The following RTF1 variants were observed in gnomAD, a reference collection of about 807,000 sequenced individuals.
The protein encoded by RTF1 is RTF1 homolog, Paf1/RNA polymerase II complex component.
A neutral mutation model predicts 95.7 loss-of-function variants in RTF1; 10 were observed. That is an observed-to-expected ratio of 0.10 (90% CI 0.06 to 0.18). The LOEUF is 0.18. Among genes scored for constraint, RTF1 ranks in the 10% least tolerant of loss-of-function variants. RTF1 has a pLI of 1.00. For missense variants in RTF1, 458 were observed against 875.6 expected, an observed-to-expected ratio of 0.52 and a Z score of 6.02; for synonymous variants, 305 against 311.8, an observed-to-expected ratio of 0.98 and a Z score of 0.23.
chr15:41,435,686 T>C (rs568066809), intron 1 of RTF1, among the ~76,000 whole-genome samples: 19 of 152,274 alleles, frequency 1.2e-4, no homozygotes, highest in Non-Finnish European at 2.4e-4. Context: ...AGAAGGTCAT[T>C]TCTCATTTTA....
intron 2 of RTF1, among the ~76,000 whole-genome samples, chr15:41,445,759 A>C (rs369958515): frequency 2.0e-4 from 30 of 147,236 alleles, no homozygotes; most frequent in South Asian, 1.9e-3. Flanking sequence ...TTTTGGAAAC[A>C]GAGTCTTGCT....
At chr15:41,447,986 A>T (rs1016008197) in intron 2 of RTF1, among the ~76,000 whole-genome samples, 3 of 152,124 alleles carry the variant, frequency 2.0e-5, no homozygotes, top group Non-Finnish European at 2.9e-5. Flanking sequence ...TTACTACTAC[A>T]TCCTGGTGAA....
chr15:41,472,480 TATTG>T (rs1555387454), intron 8 of RTF1, among the ~76,000 whole-genome samples: 3 of 152,092 alleles, frequency 2.0e-5, no homozygotes, highest in Non-Finnish European at 4.4e-5. Flanking sequence ...GTGCTGGGAT[TATTG>T]ACATGAGCCA....
chr15:41,474,593 G>T, intron 8 of RTF1, 27 bp from the exon 9 acceptor site: 1 of 1,557,368 alleles, frequency 6.4e-7, no homozygotes, highest in South Asian at 1.1e-5. Context: ...GTCTGGTTTT[G>T]ACTGGCGTCT....
chr15:41,456,705 G>A (rs1302465474), intron 3 of RTF1, among the ~76,000 whole-genome samples: 2 of 151,966 alleles, frequency 1.3e-5, no homozygotes, highest in African/African-American at 4.8e-5. Flanking sequence ...CAGGAGAACT[G>A]TTTGAACCGG....
intron 1 of RTF1, among the ~76,000 whole-genome samples, chr15:41,424,358 G>C (rs556258857): frequency 2.6e-5 from 4 of 152,304 alleles, no homozygotes; most frequent in African/African-American, 9.6e-5. Flanking sequence ...AAAGGGAAGA[G>C]TGTTGAATGT....
At chr15:41,473,687 T>G (rs1595440238) in intron 8 of RTF1, among the ~76,000 whole-genome samples, 1 of 152,038 alleles carries the variant, frequency 6.6e-6, no homozygotes, top group African/African-American at 2.4e-5. Flanking sequence ...AACAGCCTCT[T>G]GAGTAGCTAG....
intron 1 of RTF1, among the ~76,000 whole-genome samples, chr15:41,428,123 G>A (rs898039349): frequency 6.6e-6 from 1 of 151,180 alleles, no homozygotes; most frequent in Non-Finnish European, 1.5e-5. Context: ...TTAGAGCTGG[G>A]GTCTCACTGT....
rs2050933578 is a variant in RTF1 at position 41,474,660 on chromosome 15, A to G, written c.1244A>G (p.Tyr415Cys). 1 of 1,614,056 alleles carries G rather than the reference A, an allele frequency of 6.2e-7. No individual in the cohort carries two copies. The highest frequency in any genetic ancestry group is 1.7e-5 in the Admixed American group (1 of 60,010). ...ITGVVETAKV[Y>C]QLGGTRTNKG... is the part of the protein sequence containing the mutation. ...GGTGTTGTGGAAACTGCCAAAGTTT[A>G]CCAACTAGGTGGCACCAGAACAAAC... is the stretch of plus-strand genomic sequence containing the variant. The change falls in exon 9 of 18, where the codon TAC becomes TGC. Residue 415 changes from tyrosine (Y) to cysteine (C), a missense_variant. Physicochemically the swap from Tyr to Cys is radical, Grantham distance 194. Around this residue, in one of 11 missense-constraint regions of RTF1, gnomAD observed 150 missense variants for 275.7 expected, o/e 0.54. Coordinates refer to ENST00000389629, the MANE Select transcript of RTF1 (RefSeq NM_015138.5).
At chr15:41,461,829 TC>T (rs1301602634) in intron 4 of RTF1, among the ~76,000 whole-genome samples, 3 of 151,888 alleles carry the variant, frequency 2.0e-5, no homozygotes, top group Admixed American at 1.3e-4. Context: ...GGTCTGGAGT[TC>T]CTGACCTCAG....
intron 4 of RTF1, among the ~76,000 whole-genome samples, chr15:41,464,462 T>G (rs1397930895): frequency 6.6e-6 from 1 of 151,490 alleles, no homozygotes; most frequent in African/African-American, 2.4e-5. Context: ...TTGGCCAGGA[T>G]GGTCTCGATC....
Position 41,477,231 on chromosome 15 carries a change from G to C in RTF1, c.1627G>C (p.Glu543Gln). ...AATCCAAGATCAACTGAATGAGCTG[G>C]AGGAACGGGCAGAGGCCCTGGACCG... ...KQIQDQLNEL[E>Q]ERAEALDRQR... Residue 543 changes from glutamate (E) to glutamine (Q), a missense_variant, in exon 13 of 18, where the codon GAG becomes CAG. By Grantham distance (29) the Glu-to-Gln change is conservative. Around this residue, in one of 11 missense-constraint regions of RTF1, gnomAD observed 150 missense variants for 275.7 expected, o/e 0.54. Transcript: ENST00000389629. 1 of 1,614,274 alleles carries C rather than the reference G, an allele frequency of 6.2e-7. No individual in the cohort carries two copies. The highest frequency in any genetic ancestry group is 8.5e-7 in the Non-Finnish European group (1 of 1,180,050).
At chr15:41,449,068 A>G (rs1015911284) in intron 2 of RTF1, among the ~76,000 whole-genome samples, 3 of 151,550 alleles carry the variant, frequency 2.0e-5, no homozygotes, top group Non-Finnish European at 4.4e-5. Flanking sequence ...TATTTTTTGT[A>G]AAGACTAGGT....
In RTF1 at chr15:41,479,269, T is replaced by C. The variant is rs1183728235; in HGVS notation, c.1914+71T>C. On this transcript the variant is annotated intron_variant, in intron 16 of 17. Coordinates refer to ENST00000389629, the MANE Select transcript of RTF1 (RefSeq NM_015138.5). ...TGAGATACCGAACAAGTACCTTGTC[T>C]AGTTTGGGCTTGATTTTTCCACCTT... is the stretch of plus-strand genomic sequence containing the variant. The C allele has an allele frequency of 2.8e-6, 3 of 1,054,596 alleles. No individual in the cohort carries two copies. In the East Asian group the frequency reaches 7.4e-5, roughly 26 times the overall value. The allele number at this position is 1,054,596 out of a possible 1,614,324, so 65.3% of individuals were successfully genotyped here.
At chr15:41,477,908 C>T (rs543384113) in intron 14 of RTF1, among the ~76,000 whole-genome samples, 1 of 135,662 alleles carries the variant, frequency 7.4e-6, no homozygotes, top group South Asian at 2.4e-4. Context: ...GAGTTTGAAA[C>T]CAGCCTGGCC....
chr15:41,447,402 GA>G (rs533430447), intron 2 of RTF1, among the ~76,000 whole-genome samples: 51 of 152,134 alleles, frequency 3.4e-4, no homozygotes, highest in Non-Finnish European at 6.9e-4. Context: ...CTGCTTCACA[GA>G]ATGGGGACCT....
chr15:41,434,962 C>CTTT (rs36045578), intron 1 of RTF1, among the ~76,000 whole-genome samples: 1 of 131,736 alleles, frequency 7.6e-6, no homozygotes, highest in Non-Finnish European at 1.6e-5. Flanking sequence ...TACAGTAACT[C>CTTT]TTTTTTTTTT....
chr15:41,438,390 G>A lies in RTF1; in HGVS notation c.268G>A (p.Ala90Thr), dbSNP rs1453580169. Residue 90 changes from alanine (A) to threonine (T), a missense_variant, in exon 2 of 18, where the codon GCA (alanine) becomes ACA (threonine). Around this residue, in one of 11 missense-constraint regions of RTF1, gnomAD observed 44 missense variants for 99.5 expected, o/e 0.44. Coordinates refer to ENST00000389629, the MANE Select transcript of RTF1 (RefSeq NM_015138.5). ...EEKEPPVSQPAASSDSETSDS... is the reference protein window; with the variant it reads ...EEKEPPVSQPTASSDSETSDS... Reference sequence around the variant, plus strand: ...GAAGGAGCCGCCTGTGAGTCAGCCTGCAGCCTCGTCAGACTCGGAGACGTC... The same window carrying A: ...GAAGGAGCCGCCTGTGAGTCAGCCTACAGCCTCGTCAGACTCGGAGACGTC... 3.9e-6 allele frequency: 6 copies of A among 1,551,138 alleles called. No homozygotes were observed. Among genetic ancestry groups the A allele is most frequent in the Non-Finnish European group, 5.2e-6 (6 of 1,146,596 alleles).
At chr15:41,477,434 T>C (rs751007473) in intron 13 of RTF1, 24 bp from the exon 14 acceptor site, 1 of 1,614,136 alleles carries the variant, frequency 6.2e-7, no homozygotes, top group Non-Finnish European at 8.5e-7. Context: ...TCACAGCCAC[T>C]GACTCATCCC....
Sources: gnomAD v4.1 joint callset for allele counts (sites outside exome capture counted in the v4.1 genomes callset) on GRCh38, gnomAD v4.1.1 for gene constraint, gnomAD v4.1.1 regional missense constraint, MANE v1.5 for transcripts, NCBI Gene and HGNC (gene_info 2026-07-23, HGNC 2026-07-21) for gene names.